The following SEMA3A variants were observed in gnomAD, a reference collection of about 807,000 sequenced individuals.
SEMA3A encodes semaphorin-3A.
SEMA3A carries 29 observed loss-of-function variants against 97.9 expected under a neutral mutation model. The observed-to-expected ratio is 0.30, with a 90% confidence interval of 0.22 to 0.40. The LOEUF (loss-of-function observed/expected upper bound fraction) is 0.40, where lower values mean the gene tolerates loss of function less well. Ranked by LOEUF, SEMA3A falls within the 10% of genes least tolerant of loss-of-function variation. The pLI is 1.00. For missense variants in SEMA3A, 763 were observed against 951.3 expected (o/e 0.80, Z 2.60); for synonymous variants, 321 against 323.7 (o/e 0.99, Z 0.09).
chr7:84,445,514 AAAAAAAGAAAAG>A (rs1373699298), intron 1 of SEMA3A, among the ~76,000 whole-genome samples: 2 of 145,978 alleles, frequency 1.4e-5, no homozygotes, highest in East Asian at 4.1e-4. Flanking sequence ...AAAAAAAAAA[AAAAAAAGAAAAG>A]AAAAGAAAAG....
rs141410531 is a variant in SEMA3A at position 84,264,467 on chromosome 7, G to T, written c.-83+42740C>A. ...TTACTTCTGCGGTTTTTTTCTGGCT[G>T]CTGTAACAGCAATAAATTCAGGGAT... On this transcript the variant is annotated intron_variant, in intron 3 of 3. Coordinates refer to the SEMA3A transcript ENST00000424555. Among the ~76,000 whole-genome samples the T allele has an allele frequency of 3.9e-3, 586 of 152,204 alleles. 2 individuals are homozygous for T. Among genetic ancestry groups the T allele is most frequent in the Non-Finnish European group, 6.4e-3 (433 of 68,008 alleles).
chr7:84,459,317 G>C (rs1288229462), intron 1 of SEMA3A, among the ~76,000 whole-genome samples: 1 of 152,052 alleles, frequency 6.6e-6, no homozygotes, highest in Non-Finnish European at 1.5e-5. Flanking sequence ...ATTCACACTA[G>C]ATCTTTTGAT....
rs527523090 is a variant in SEMA3A, at chr7:83,966,213, A to G, written c.1718-2866T>C. Among the ~76,000 whole-genome samples the G allele has an allele frequency of 8.5e-5, 13 of 152,214 alleles. No homozygotes were observed. In the South Asian group the frequency reaches 2.7e-3, roughly 32 times the overall value. ...GAAAATATTCTTTTATTAAAAAATT[A>G]TTTCATTTGATCTGCTACTTCTTCA... On this transcript the variant is annotated intron_variant, in intron 15 of 16. Coordinates refer to ENST00000265362, the MANE Select transcript of SEMA3A (RefSeq NM_006080.3).
At chr7:84,462,543 G>A (rs1004865316) in intron 1 of SEMA3A, among the ~76,000 whole-genome samples, 3 of 152,120 alleles carry the variant, frequency 2.0e-5, no homozygotes, top group African/African-American at 4.8e-5. Context: ...CTGTGCTTTG[G>A]TCTGGCTGGT....
chr7:84,299,509 C>T (rs1009048870), intron 3 of SEMA3A, among the ~76,000 whole-genome samples: 1 of 151,316 alleles, frequency 6.6e-6, no homozygotes, highest in Non-Finnish European at 1.5e-5. Flanking sequence ...CCACAAAACA[C>T]CCTCTAACCT....
chr7:83,995,701 G>A (rs1203350840), intron 12 of SEMA3A, among the ~76,000 whole-genome samples: 1 of 97,694 alleles, frequency 1.0e-5, no homozygotes, highest in African/African-American at 5.0e-5. Flanking sequence ...ATTGGTGTTC[G>A]AGTAAAAATA....
chr7:84,351,643 A>G (rs182522386), intron 2 of SEMA3A, among the ~76,000 whole-genome samples: 1 of 152,250 alleles, frequency 6.6e-6, no homozygotes. Context: ...TGATCATCAG[A>G]GAAATGAAAA....
At chr7:84,128,503 A>G (rs1795866927) in intron 3 of SEMA3A, among the ~76,000 whole-genome samples, 1 of 152,140 alleles carries the variant, frequency 6.6e-6, no homozygotes, top group South Asian at 2.1e-4. Context: ...CATTTTGTTA[A>G]TTAGTTTTTC....
At chr7:84,233,286 T>C (rs1332099146) in intron 3 of SEMA3A, among the ~76,000 whole-genome samples, 1 of 151,990 alleles carries the variant, frequency 6.6e-6, no homozygotes, top group Admixed American at 6.6e-5. Context: ...GAAACACTGA[T>C]AAACATTTTA....
chr7:84,091,086 A>C (rs1017172397), intron 4 of SEMA3A, among the ~76,000 whole-genome samples: 9 of 129,528 alleles, frequency 6.9e-5, no homozygotes, highest in Admixed American at 6.4e-4. Flanking sequence ...AAATGAAAGA[A>C]AGAAGGAAAG....
chr7:84,179,099 T>G (rs1470932264), intron 1 of SEMA3A, among the ~76,000 whole-genome samples: 2 of 152,180 alleles, frequency 1.3e-5, no homozygotes, highest in African/African-American at 2.4e-5. Flanking sequence ...ATTTTCCCCA[T>G]AAAGTGTGTT....
At chr7:84,285,591 T>C (rs2115761484) in intron 3 of SEMA3A, among the ~76,000 whole-genome samples, 1 of 152,280 alleles carries the variant, frequency 6.6e-6, no homozygotes, top group Non-Finnish European at 1.5e-5. Flanking sequence ...TTAAATTTTC[T>C]CAGAGTTTCA....
chr7:84,271,221 T>C (rs1349916622), intron 3 of SEMA3A, among the ~76,000 whole-genome samples: 1 of 152,088 alleles, frequency 6.6e-6, no homozygotes, highest in African/African-American at 2.4e-5. Flanking sequence ...AAAGTCTCAC[T>C]CTGTCACCCA....
chr7:84,337,031 G>C (rs1802052881), intron 2 of SEMA3A, among the ~76,000 whole-genome samples: 1 of 151,874 alleles, frequency 6.6e-6, no homozygotes, highest in Admixed American at 6.6e-5. Flanking sequence ...AGATTGCCTG[G>C]GTTTGAATCC....
chr7:84,403,879 C>A (rs187788293), intron 1 of SEMA3A, among the ~76,000 whole-genome samples: 1 of 152,048 alleles, frequency 6.6e-6, no homozygotes, highest in East Asian at 1.9e-4. Flanking sequence ...ACATCCACAC[C>A]AAAAACCCAT....
intron 1 of SEMA3A, among the ~76,000 whole-genome samples, chr7:84,424,580 ATATT>A (rs1804710585): frequency 1.3e-5 from 1 of 75,030 alleles, no homozygotes; most frequent in Non-Finnish European, 2.0e-5. Flanking sequence ...ATATTAATAT[ATATT>A]ATATATAATA....
At chr7:84,350,559 T>A (rs1802412656) in intron 2 of SEMA3A, among the ~76,000 whole-genome samples, 1 of 152,194 alleles carries the variant, frequency 6.6e-6, no homozygotes, top group Admixed American at 6.5e-5. Context: ...GGTAATTGCA[T>A]TCCATATTTT....
chr7:84,110,610 CAA>C (rs529823078), intron 3 of SEMA3A, 21 bp from the exon 4 acceptor site: 449 of 1,612,848 alleles, frequency 2.8e-4, no homozygotes, highest in Admixed American at 3.8e-4. Context: ...AAAGGAAAAC[CAA>C]AGAGTTTCAG....
chr7:84,198,079 G>C (rs527617868), upstream of SEMA3A, among the ~76,000 whole-genome samples: 50 of 152,196 alleles, frequency 3.3e-4, 1 homozygote, highest in South Asian at 1.2e-3. Context: ...CCTAAATTCT[G>C]AAATTAGAAA....
Sources: allele counts gnomAD v4.1 joint callset (sites outside exome capture counted in the v4.1 genomes callset), GRCh38; gene constraint gnomAD v4.1.1; transcripts MANE v1.5; gene names NCBI Gene and HGNC (gene_info 2026-07-23, HGNC 2026-07-21).